Variants in TMEFF2 observed in about 807,000 individuals in gnomAD.
The protein encoded by TMEFF2 is tomoregulin-2.
TMEFF2 carries 28 observed loss-of-function variants against 53.8 expected under a neutral mutation model. The ratio of observed to expected loss-of-function variants is 0.52; its 90% CI spans 0.39 to 0.71. The LOEUF (loss-of-function observed/expected upper bound fraction) is 0.71. Among genes scored for constraint, TMEFF2 ranks in the 30% least tolerant of loss-of-function variants. The pLI is 0.00. For missense variants in TMEFF2, 353 were observed against 455.2 expected (o/e 0.78, Z 2.04); for synonymous variants, 162 against 166.3 (o/e 0.97, Z 0.20).
In TMEFF2 at chr2:192,191,277, A is replaced by T. The variant is rs142153935; in HGVS notation, c.282+603T>A. Among the ~76,000 whole-genome samples, 4 of 152,310 alleles carry T rather than the reference A, an allele frequency of 2.6e-5. No homozygotes were observed. The East Asian group carries it at 7.7e-4, about 29-fold the overall frequency. ...AAAAAGTACATTTCCTGATGTTCAT[A>T]AAATGACTTGTGGATCTAAATGCTC... On this transcript the variant is annotated intron_variant, in intron 2 of 9. Transcript: ENST00000272771.
intron 5 of TMEFF2, among the ~76,000 whole-genome samples, chr2:192,054,264 T>G (rs1290400280): frequency 6.6e-6 from 1 of 152,022 alleles, no homozygotes; most frequent in Non-Finnish European, 1.5e-5. Flanking sequence ...ATTTCTCAGA[T>G]GTAGGCTATG....
chr2:192,062,288 G>A (rs1688063287), intron 4 of TMEFF2, among the ~76,000 whole-genome samples: 1 of 152,140 alleles, frequency 6.6e-6, no homozygotes, highest in Non-Finnish European at 1.5e-5. Context: ...CACTCAAAAT[G>A]ATAGCTTTTG....
chr2:192,129,725 C>A (rs1254749654), intron 4 of TMEFF2, among the ~76,000 whole-genome samples: 1 of 152,124 alleles, frequency 6.6e-6, no homozygotes. Context: ...GAGCAAGGTC[C>A]TTTGTATATG....
At chr2:192,001,537 T>C (rs1686360638) in intron 5 of TMEFF2, among the ~76,000 whole-genome samples, 1 of 152,020 alleles carries the variant, frequency 6.6e-6, no homozygotes, top group Non-Finnish European at 1.5e-5. Context: ...ATAGAGATGG[T>C]GATATAGTTT....
rs1209908493 is a variant in TMEFF2, at chr2:192,179,292, A to G, written c.439+376T>C. On this transcript the variant is annotated intron_variant, in intron 4 of 9. Coordinates refer to ENST00000272771, the MANE Select transcript of TMEFF2 (RefSeq NM_016192.4). The stretch of plus-strand genomic sequence containing the variant: ...TTATTAGCACCTAGTAATTGAGAGC[A>G]GTGTCATATATTTAAAAATCCAATA... 2.7e-5 allele frequency: 5 copies of G among 185,846 alleles called. No homozygotes were observed. In the Admixed American group the frequency reaches 3.1e-4, roughly 11 times the overall value. 11.5% of individuals were successfully genotyped at this position (185,846 alleles called of 1,614,324 possible).
intron 1 of TMEFF2, among the ~76,000 whole-genome samples, chr2:192,193,167 A>T (rs1297615035): frequency 1.3e-5 from 2 of 152,210 alleles, no homozygotes; most frequent in African/African-American, 4.8e-5. Context: ...TACATCTTTG[A>T]AAGACACTTT....
chr2:191,985,762 T>G (rs1030552121), intron 7 of TMEFF2, among the ~76,000 whole-genome samples: 1 of 152,356 alleles, frequency 6.6e-6, no homozygotes, highest in African/African-American at 2.4e-5. Context: ...CCTGTTGTCT[T>G]TGCTATTTTT....
At chr2:191,998,207 C>T in intron 7 of TMEFF2, 55 bp downstream of exon 7, 1 of 1,375,640 alleles carries the variant, frequency 7.3e-7, no homozygotes, top group East Asian at 2.4e-5. Flanking sequence ...AACCATTTCC[C>T]AGGACTCTCT....
At chr2:191,989,488 A>G (rs1041698058) in intron 7 of TMEFF2, among the ~76,000 whole-genome samples, 4 of 152,130 alleles carry the variant, frequency 2.6e-5, no homozygotes, top group African/African-American at 9.7e-5. Context: ...TCTAAAGAAT[A>G]TATGCTCTAG....
intron 4 of TMEFF2, among the ~76,000 whole-genome samples, chr2:192,157,068 C>G (rs1476351319): frequency 1.3e-5 from 2 of 151,938 alleles, no homozygotes; most frequent in African/African-American, 4.8e-5. Context: ...CCCTGGCAAC[C>G]TCCAGAATAT....
intron 3 of TMEFF2, 62 bp downstream of exon 3, chr2:192,184,292 A>G: frequency 6.3e-7 from 1 of 1,587,732 alleles, no homozygotes. Flanking sequence ...ACAAGAAATG[A>G]AAGACATGGT....
intron 4 of TMEFF2, among the ~76,000 whole-genome samples, chr2:192,096,535 TTTAAAA>T (rs1688908319): frequency 6.6e-6 from 1 of 152,120 alleles, no homozygotes; most frequent in Admixed American, 6.5e-5. Flanking sequence ...ATTTTAAAAA[TTTAAAA>T]TTGAGTGTAT....
chr2:192,015,235 T>C (rs1157849235), intron 5 of TMEFF2, among the ~76,000 whole-genome samples: 1 of 151,780 alleles, frequency 6.6e-6, no homozygotes, highest in Non-Finnish European at 1.5e-5. Flanking sequence ...AACTGTGACT[T>C]GTCATTGGAA....
intron 7 of TMEFF2, among the ~76,000 whole-genome samples, chr2:191,987,569 G>A (rs1008136899): frequency 1.3e-5 from 2 of 152,060 alleles, no homozygotes; most frequent in Non-Finnish European, 2.9e-5. Context: ...ACCACACCCA[G>A]CTAATTTTCG....
chr2:191,982,308 CAA>C (rs1685871613), intron 7 of TMEFF2, among the ~76,000 whole-genome samples: 1 of 151,866 alleles, frequency 6.6e-6, no homozygotes, highest in Non-Finnish European at 1.5e-5. Context: ...GATAAGAAAA[CAA>C]AGACTCACGG....
At chr2:192,096,958 G>C (rs1431069150) in intron 4 of TMEFF2, among the ~76,000 whole-genome samples, 2 of 152,070 alleles carry the variant, frequency 1.3e-5, no homozygotes, top group African/African-American at 4.8e-5. Context: ...TTACAGGCAT[G>C]AGCCACCAGG....
At chr2:192,080,172 A>C (rs1218332358) in intron 4 of TMEFF2, among the ~76,000 whole-genome samples, 2 of 152,194 alleles carry the variant, frequency 1.3e-5, no homozygotes, top group African/African-American at 4.8e-5. Flanking sequence ...CTTATGTGGC[A>C]CACATTTCTT....
intron 4 of TMEFF2, among the ~76,000 whole-genome samples, chr2:192,160,618 C>T (rs1207110398): frequency 6.6e-6 from 1 of 152,082 alleles, no homozygotes; most frequent in Non-Finnish European, 1.5e-5. Flanking sequence ...TGGGGAGAGA[C>T]TGATCTAAGT....
intron 5 of TMEFF2, among the ~76,000 whole-genome samples, chr2:192,041,373 C>T (rs1284639583): frequency 6.6e-6 from 1 of 152,134 alleles, no homozygotes; most frequent in Non-Finnish European, 1.5e-5. Flanking sequence ...AAGAGACCAA[C>T]ACCATTAGAC....
Sources: gnomAD v4.1 joint callset for allele counts (sites outside exome capture counted in the v4.1 genomes callset) on GRCh38, gnomAD v4.1.1 for gene constraint, MANE v1.5 for transcripts, NCBI Gene and HGNC (gene_info 2026-07-23, HGNC 2026-07-21) for gene names.